The following DNAH8 variants were observed in gnomAD, a reference collection of about 807,000 sequenced individuals.
DNAH8 encodes the protein axonemal beta dynein heavy chain 8.
Under a neutral mutation model 562.1 loss-of-function variants are expected in DNAH8, and 382 were observed. The observed-to-expected ratio is 0.68, with a 90% CI of 0.63 to 0.74. The LOEUF is 0.74. DNAH8 is among the 30% of genes least tolerant of loss of function. The pLI, the probability that DNAH8 is intolerant of heterozygous loss-of-function variation, is 0.00. For synonymous variants in DNAH8, 1,881 were observed against 1,919.4 expected (o/e 0.98, Z 0.52); for missense variants, 5,203 against 5,620.4 (o/e 0.93, Z 2.37).
intron 7 of DNAH8, 23 bp from the exon 8 acceptor site, chr6:38,741,686 ATT>A (rs567656319): frequency 1.2e-4 from 192 of 1,555,794 alleles, no homozygotes; most frequent in South Asian, 9.6e-4. Flanking sequence ...ACATTTCTAT[ATT>A]TTATAAATTT....
In DNAH8 at chr6:38,775,849, A is replaced by C. The variant is rs149013727; in HGVS notation, c.1860A>C (p.Ile620=). Residue 620 remains isoleucine, a synonymous_variant, in exon 13 of 93, where the codon ATA becomes ATC. Transcript: ENST00000327475. ...IDIMAIKFRN[I]YQGVKKKQYD... is the part of the protein sequence containing the mutation. ...TTATGGCAATAAAATTCAGAAATAT[A>C]TACCAAGGGGTTAAGAAAAAGCAAT... The C allele has an allele frequency of 1.2e-4, 195 of 1,608,074 alleles. No individual in the cohort carries two copies. The highest frequency in any genetic ancestry group is 2.4e-5 in the Non-Finnish European group (28 of 1,174,792).
At chr6:38,828,986 A>G (rs1298045920) in intron 30 of DNAH8, among the ~76,000 whole-genome samples, 1 of 152,172 alleles carries the variant, frequency 6.6e-6, no homozygotes, top group Non-Finnish European at 1.5e-5. Context: ...ATCATACAAT[A>G]TATGGTCTTT....
At chr6:38,747,474 C>T (rs752891137) in intron 8 of DNAH8, among the ~76,000 whole-genome samples, 48 of 151,162 alleles carry the variant, frequency 3.2e-4, no homozygotes, top group Non-Finnish European at 5.9e-4. Flanking sequence ...GCAACCTCCA[C>T]CTCCCAGGTT....
chr6:38,850,457 C>T (rs1055609835), intron 38 of DNAH8, 43 bp downstream of exon 38: 3 of 1,557,358 alleles, frequency 1.9e-6, no homozygotes, highest in South Asian at 2.3e-5. Flanking sequence ...TTGTATGTGA[C>T]AGTGTTTTAT....
Position 38,872,752 on chromosome 6 carries a change from C to T in DNAH8, c.7207C>T (p.Leu2403=), listed in dbSNP as rs758848204. 3 of 1,614,098 alleles carry T rather than the reference C, an allele frequency of 1.9e-6. No homozygotes were observed. The highest frequency in any genetic ancestry group is 2.5e-6 in the Non-Finnish European group (3 of 1,179,994). ...NDWTDGIFST[L]WRKTLKAKKG... is the part of the protein sequence containing the mutation. ...CTGGACAGATGGGATTTTTTCTACT[C>T]TGTGGAGAAAAACATTAAAAGCTAA... The change falls in exon 50 of 93, where the codon CTG becomes TTG. Residue 2403 remains leucine, a synonymous_variant. Transcript: ENST00000327475.
At chr6:38,902,702 A>C (rs1337969352) in intron 62 of DNAH8, among the ~76,000 whole-genome samples, 1 of 152,186 alleles carries the variant, frequency 6.6e-6, no homozygotes, top group East Asian at 1.9e-4. Flanking sequence ...CAAATTCTGG[A>C]TACATTTTAT....
chr6:38,785,503 TA>T (rs1185899286), intron 17 of DNAH8, among the ~76,000 whole-genome samples: 1 of 152,212 alleles, frequency 6.6e-6, no homozygotes, highest in Non-Finnish European at 1.5e-5. Context: ...CTTGGTAGGA[TA>T]AGTGATTTAT....
In DNAH8 at chr6:38,873,247, G is replaced by A. The variant is rs1181972445; in HGVS notation, c.7491G>A (p.Lys2497=). 6.2e-7 allele frequency: 1 copy of A among 1,613,232 alleles called. No homozygotes were observed. Residue 2497 remains lysine (K), a synonymous_variant, in exon 52 of 93, where the codon AAG becomes AAA. Coordinates refer to ENST00000327475, the MANE Select transcript of DNAH8 (RefSeq NM_001206927.2). ...TTTCTTTGTTGCAGGCATGGTTGAA[G>A]AAACGCACTGCACAGGAAGCTGCTG... ...SWRPILQAWL[K]KRTAQEAAVF...
intron 21 of DNAH8, among the ~76,000 whole-genome samples, chr6:38,802,920 G>A (rs1324784530): frequency 6.6e-6 from 1 of 152,180 alleles, no homozygotes; most frequent in Non-Finnish European, 1.5e-5. Context: ...GAATATCAAG[G>A]TAGATTTCTA....
At chr6:38,842,335 A>G in intron 33 of DNAH8, 33 bp from the exon 34 acceptor site, 18 of 1,558,916 alleles carry the variant, frequency 1.2e-5, no homozygotes, top group Non-Finnish European at 1.4e-5. Context: ...AATATTATAC[A>G]TGATGTGATA....
At chr6:38,963,253 C>CTTTTTTTTTTT (rs57083753) in intron 82 of DNAH8, among the ~76,000 whole-genome samples, 2 of 102,578 alleles carry the variant, frequency 1.9e-5, no homozygotes, top group Non-Finnish European at 3.9e-5. Flanking sequence ...AGTCCTTTTT[C>CTTTTTTTTTTT]TTTTTTTTTT....
intron 74 of DNAH8, among the ~76,000 whole-genome samples, chr6:38,928,548 T>A (rs1419297473): frequency 6.6e-6 from 1 of 152,238 alleles, no homozygotes; most frequent in Non-Finnish European, 1.5e-5. Flanking sequence ...AATTTTTTTT[T>A]AGTTATTTCC....
intron 91 of DNAH8, among the ~76,000 whole-genome samples, chr6:39,023,049 G>A (rs1767029649): frequency 6.6e-6 from 1 of 152,054 alleles, no homozygotes; most frequent in Non-Finnish European, 1.5e-5. Flanking sequence ...GTTTTCATGT[G>A]GGTGGTTTAC....
chr6:38,941,783 G>A (rs965325523), intron 79 of DNAH8, among the ~76,000 whole-genome samples: 14 of 152,190 alleles, frequency 9.2e-5, no homozygotes, highest in African/African-American at 3.1e-4. Flanking sequence ...GAAGCGTGCT[G>A]AAATCCAGGC....
chr6:38,776,467 C>T (rs144172349), intron 13 of DNAH8, among the ~76,000 whole-genome samples: 245 of 152,306 alleles, frequency 1.6e-3, no homozygotes, highest in African/African-American at 5.2e-3. Flanking sequence ...ATTCACCCAC[C>T]TCGGCCTCCC....
At chr6:38,794,130 AT>A (rs1208264414) in intron 21 of DNAH8, among the ~76,000 whole-genome samples, 1 of 152,198 alleles carries the variant, frequency 6.6e-6, no homozygotes, top group Non-Finnish European at 1.5e-5. Flanking sequence ...CTAGTTGTAA[AT>A]TCCCAAGGGA....
chr6:38,879,909 G>A (rs6458082), intron 53 of DNAH8, among the ~76,000 whole-genome samples: 65,930 of 152,016 alleles, frequency 0.43, 15,228 homozygotes, highest in East Asian at 0.84. Context: ...ACAACAAACA[G>A]TTGAAAATTG....
rs1768208771 is a variant in DNAH8 at position 38,777,733 on chromosome 6, A to G, written c.1963-655A>G. ...AGGCATGAGCCACCACTCTGGGCCAATGGTGGGACTCTTGAAAGAACATTT... is the reference window on the plus strand; with the variant it reads ...AGGCATGAGCCACCACTCTGGGCCAGTGGTGGGACTCTTGAAAGAACATTT... On this transcript the variant is annotated intron_variant, in intron 13 of 92. Transcript: ENST00000327475. Among the ~76,000 whole-genome samples the G allele has an allele frequency of 2.0e-5, 3 of 152,210 alleles. No individual in the cohort carries two copies. The South Asian group carries it at 6.2e-4, about 32-fold the overall frequency.
In DNAH8 at chr6:38,886,994, C is replaced by T; in HGVS notation, c.8463C>T (p.Asp2821=). 1 of 1,604,812 alleles carries T rather than the reference C, an allele frequency of 6.2e-7. No individual in the cohort carries two copies. Among genetic ancestry groups the T allele is most frequent in the Non-Finnish European group, 8.5e-7 (1 of 1,171,802 alleles). Residue 2821 remains aspartate, a synonymous_variant, in exon 57 of 93, where the codon GAC becomes GAT. Coordinates refer to ENST00000327475, the MANE Select transcript of DNAH8 (RefSeq NM_001206927.2). ...NCTLPSNASI[D]KIFGIIGCGY... is the part of the protein sequence containing the mutation. Reference sequence around the variant, plus strand: ...CATTGCCTTCAAATGCTTCAATAGACAAAATTTTTGGTATGAATATTCTTA... The same window carrying T: ...CATTGCCTTCAAATGCTTCAATAGATAAAATTTTTGGTATGAATATTCTTA...
Sources: gnomAD v4.1 joint callset for allele counts (sites outside exome capture counted in the v4.1 genomes callset) on GRCh38, gnomAD v4.1.1 for gene constraint, MANE v1.5 for transcripts, NCBI Gene and HGNC (gene_info 2026-07-23, HGNC 2026-07-21) for gene names.